PACRGL: variants seen among roughly 807,000 people sequenced by gnomAD.
PACRGL encodes parkin coregulated like.
In PACRGL, 38 loss-of-function variants were observed where a neutral mutation model predicts 34.5. The observed-to-expected ratio is 1.10, with a 90% CI of 0.85 to 1.44. The LOEUF is 1.44. Ranked by LOEUF, PACRGL falls within the 40% of genes most tolerant of loss-of-function variation. PACRGL has a pLI of 0.00. For synonymous variants in PACRGL, 128 were observed against 100.1 expected (o/e 1.28, Z -1.66); for missense variants, 305 against 281.4 (o/e 1.08, Z -0.60).
At chr4:20,705,165 A>C (rs1182200145) in intron 3 of PACRGL, among the ~76,000 whole-genome samples, 5 of 110,350 alleles carry the variant, frequency 4.5e-5, no homozygotes, top group Admixed American at 3.0e-4. Context: ...ATAGTTGCAT[A>C]AAGGTCTCTG....
At chr4:20,707,711 G>A (rs962877958) in intron 3 of PACRGL, 92 bp from the exon 4 acceptor site, 21 of 992,666 alleles carry the variant, frequency 2.1e-5, no homozygotes, top group African/African-American at 1.1e-4. Context: ...GGTGCGCTTC[G>A]ATACCAGCTT....
At chr4:20,744,426 C>T (rs529528931) in intron 8 of PACRGL, among the ~76,000 whole-genome samples, 1 of 150,836 alleles carries the variant, frequency 6.6e-6, no homozygotes, top group East Asian at 2.0e-4. Flanking sequence ...GAAAATATGG[C>T]ACTATACAGC....
intron 8 of PACRGL, among the ~76,000 whole-genome samples, chr4:20,750,399 G>A (rs531924418): frequency 3.9e-5 from 6 of 152,262 alleles, no homozygotes; most frequent in Admixed American, 2.6e-4. Context: ...GAAGGGGACT[G>A]GGTGGTCCTA....
chr4:20,704,475 G>A lies in PACRGL; in HGVS notation c.-7G>A. Reference sequence around the variant, plus strand: ...TTTTTTTAAACTGCAGGAGTGAAAGGGAAGCAATGCAGAAATCAGAGGGCT... The same window carrying A: ...TTTTTTTAAACTGCAGGAGTGAAAGAGAAGCAATGCAGAAATCAGAGGGCT... On this transcript the variant is annotated 5_prime_UTR_variant, in exon 2 of 9. Transcript: ENST00000503585. The A allele has an allele frequency of 6.2e-7, 1 of 1,613,434 alleles. No homozygotes were observed. The highest frequency in any genetic ancestry group is 8.5e-7 in the Non-Finnish European group (1 of 1,179,834).
At chr4:20,708,884 T>G (rs1252061154) in intron 4 of PACRGL, among the ~76,000 whole-genome samples, 1 of 151,852 alleles carries the variant, frequency 6.6e-6, no homozygotes, top group Admixed American at 6.6e-5. Context: ...CCCAGCACTT[T>G]GGGAGGCCAA....
rs571139656 is a variant in PACRGL at position 20,707,824 on chromosome 4, C to G, written c.229C>G (p.Pro77Ala). The G allele has an allele frequency of 3.7e-6, 6 of 1,613,682 alleles. No homozygotes were observed. In the South Asian group the frequency reaches 6.6e-5, roughly 18 times the overall value. Residue 77 changes from proline to alanine, a missense_variant, in exon 4 of 9, where the codon CCT (proline) becomes GCT (alanine). Pro to Ala is a conservative substitution (Grantham distance 27). Coordinates refer to ENST00000503585, the MANE Select transcript of PACRGL (RefSeq NM_001258345.3). ...TTAGTTTGGTGAACAGTCACGAGTG[C>G]CTTCTGCATTTGCAGCTATTTACTC... Reference protein sequence around the residue: ...INPFGEQSRVPSAFAAIYSKG... With the variant: ...INPFGEQSRVASAFAAIYSKG...
chr4:20,731,639 C>G lies in PACRGL; in HGVS notation c.*4298C>G. The G allele has an allele frequency of 2.0e-6, 2 of 985,224 alleles. No individual in the cohort carries two copies. Among genetic ancestry groups the G allele is most frequent in the Non-Finnish European group, 2.4e-6 (2 of 829,812 alleles). 61.0% of individuals were successfully genotyped at this position (985,224 alleles called of 1,614,324 possible). Reference sequence around the variant, plus strand: ...TGCCATACTTGGCTATCTAGGAATTCTAATGCTGTGGAGATATGATAGATA... The same window carrying G: ...TGCCATACTTGGCTATCTAGGAATTGTAATGCTGTGGAGATATGATAGATA... On this transcript the variant is annotated 3_prime_UTR_variant, in exon 9 of 9. Coordinates refer to ENST00000503585, the MANE Select transcript of PACRGL (RefSeq NM_001258345.3).
intron 8 of PACRGL, among the ~76,000 whole-genome samples, chr4:20,745,252 T>G (rs1018543869): frequency 1.3e-5 from 2 of 152,186 alleles, no homozygotes; most frequent in African/African-American, 4.8e-5. Context: ...TTCTAGTATT[T>G]GTGAACAAAA....
At chr4:20,706,286 G>A (rs528362054) in intron 3 of PACRGL, among the ~76,000 whole-genome samples, 5 of 152,182 alleles carry the variant, frequency 3.3e-5, no homozygotes, top group African/African-American at 1.2e-4. Flanking sequence ...TAGTCTTTGT[G>A]GGTATATTGA....
intron 8 of PACRGL, among the ~76,000 whole-genome samples, chr4:20,744,177 AG>A (rs1201609402): frequency 6.6e-6 from 1 of 152,232 alleles, no homozygotes; most frequent in Non-Finnish European, 1.5e-5. Flanking sequence ...ACTGTAAACT[AG>A]TTCAACCATT....
intron 7 of PACRGL, among the ~76,000 whole-genome samples, chr4:20,721,605 G>A (rs1290917159): frequency 2.0e-5 from 3 of 152,214 alleles, no homozygotes; most frequent in African/African-American, 7.2e-5. Flanking sequence ...GACCCTGTTT[G>A]CCTGGGTATC....
chr4:20,720,716 C>T (rs1035289301), intron 7 of PACRGL, among the ~76,000 whole-genome samples: 14 of 152,182 alleles, frequency 9.2e-5, no homozygotes, highest in Non-Finnish European at 1.5e-5. Flanking sequence ...ATGGGCTTCC[C>T]TTTGTGGGTA....
chr4:20,701,726 A>C, intron 1 of PACRGL: 1 of 379,232 alleles, frequency 2.6e-6, no homozygotes, highest in Non-Finnish European at 5.3e-6. Flanking sequence ...GTCCGTGGAG[A>C]ATTGGCTCCA....
rs33912651 is a variant in PACRGL at position 20,752,055 on chromosome 4, G to GTTTTTTTTT, written c.*57-498_*57-490dup. Among the ~76,000 whole-genome samples, 20 of 121,674 alleles carry GTTTTTTTTT rather than the reference G, an allele frequency of 1.6e-4. No individual in the cohort carries two copies. In the South Asian group the frequency reaches 4.4e-3, roughly 27 times the overall value. 79.8% of individuals were successfully genotyped at this position (121,674 alleles called of 152,430 possible). A position where few individuals can be genotyped will look rare whatever the true frequency, so the allele number is the denominator to read the frequency against. On this transcript the variant is annotated intron_variant, in intron 8 of 8. Transcript: ENST00000507634. ...ACAATATCAGTATGTACTTCATAGA[G>GTTTTTTTTT]TTTTTTTTTTTTTTTTTTTTGAGAC...
At chr4:20,716,032 A>G in intron 7 of PACRGL, 3 of 1,384,402 alleles carry the variant, frequency 2.2e-6, no homozygotes, top group Non-Finnish European at 1.9e-6. Flanking sequence ...GTTTTAGTGA[A>G]TCTGTAAATT....
At chr4:20,751,938 T>A (rs935498333) in intron 8 of PACRGL, among the ~76,000 whole-genome samples, 1 of 152,166 alleles carries the variant, frequency 6.6e-6, no homozygotes, top group African/African-American at 2.4e-5. Context: ...CTGCCTGAAT[T>A]TCAATCTCAG....
Position 20,729,388 on chromosome 4 carries a change from G to A in PACRGL, c.*2047G>A, listed in dbSNP as rs1405242186. 6.6e-6 allele frequency: 1 copy of A among 152,002 alleles called. No homozygotes were observed. Among genetic ancestry groups the A allele is most frequent in the African/African-American group, 2.4e-5 (1 of 41,260 alleles). 9.4% of individuals were successfully genotyped at this position (152,002 alleles called of 1,614,324 possible). A position where few individuals can be genotyped will look rare whatever the true frequency, so the allele number is the denominator to read the frequency against. ...TGAACAAATCCAAAATTATTATATA[G>A]GCCTTGGCTGTAACATATTATGGAA... On this transcript the variant is annotated 3_prime_UTR_variant, in exon 9 of 9. Transcript: ENST00000503585.
At chr4:20,715,882 C>T (rs1387546362) in intron 7 of PACRGL, among the ~76,000 whole-genome samples, 2 of 151,870 alleles carry the variant, frequency 1.3e-5, no homozygotes, top group Non-Finnish European at 2.9e-5. Context: ...AACCAAAAGT[C>T]GAATGGATAA....
downstream of PACRGL, among the ~76,000 whole-genome samples, chr4:20,736,479 A>C (rs559341395): frequency 1.3e-5 from 2 of 152,208 alleles, no homozygotes; most frequent in South Asian, 4.1e-4. Flanking sequence ...ATACCCTGTC[A>C]ATTTGCTGAC....
Sources: gnomAD v4.1 joint callset for allele counts (sites outside exome capture counted in the v4.1 genomes callset) on GRCh38, gnomAD v4.1.1 for gene constraint, MANE v1.5 for transcripts, NCBI Gene and HGNC (gene_info 2026-07-23, HGNC 2026-07-21) for gene names.